Variants in SMYD3 observed in about 807,000 individuals in gnomAD.
SMYD3 encodes the protein histone-lysine N-methyltransferase SMYD3.
A neutral mutation model predicts 57.7 loss-of-function variants in SMYD3; 36 were observed. That is an observed-to-expected ratio of 0.62 (90% CI 0.48 to 0.82). The LOEUF (loss-of-function observed/expected upper bound fraction) is 0.82, where lower values mean the gene tolerates loss of function less well. Among genes scored for constraint, SMYD3 ranks in the 40% least tolerant of loss-of-function variants. SMYD3 has a pLI of 0.00. For synonymous variants in SMYD3, 211 were observed against 195.0 expected, an observed-to-expected ratio of 1.08 and a Z score of -0.68; for missense variants, 515 against 538.8, an observed-to-expected ratio of 0.96 and a Z score of 0.44.
intron 10 of SMYD3, among the ~76,000 whole-genome samples, chr1:245,814,826 GCACACACGCACA>G (rs2048698155): frequency 1.3e-5 from 2 of 149,618 alleles, no homozygotes; most frequent in Admixed American, 6.7e-5. Flanking sequence ...ACACACGCAC[GCACACACGCACA>G]CACATGCACG....
chr1:246,036,592 T>A (rs939414257), intron 5 of SMYD3, among the ~76,000 whole-genome samples: 20 of 151,738 alleles, frequency 1.3e-4, no homozygotes, highest in East Asian at 3.9e-4. Context: ...CTCGCTTTGT[T>A]GCCCAGGCTG....
At chr1:245,863,288 G>A (rs2051654300) in intron 9 of SMYD3, among the ~76,000 whole-genome samples, 1 of 152,100 alleles carries the variant, frequency 6.6e-6, no homozygotes, top group Admixed American at 6.6e-5. Flanking sequence ...CATCCTACAT[G>A]GTCTCTCCTT....
At chr1:246,476,895 C>A (rs2068036732) in intron 1 of SMYD3, among the ~76,000 whole-genome samples, 1 of 152,144 alleles carries the variant, frequency 6.6e-6, no homozygotes, top group African/African-American at 2.4e-5. Context: ...CTTGACTATT[C>A]AATTATCAAA....
At chr1:246,494,537 G>T (rs868428950) in intron 1 of SMYD3, among the ~76,000 whole-genome samples, 1 of 152,124 alleles carries the variant, frequency 6.6e-6, no homozygotes, top group South Asian at 2.1e-4. Flanking sequence ...AAGTCTTTTT[G>T]TAAGATGCTT....
chr1:246,393,079 C>A (rs1467931997), intron 1 of SMYD3, among the ~76,000 whole-genome samples: 1 of 152,134 alleles, frequency 6.6e-6, no homozygotes, highest in East Asian at 1.9e-4. Context: ...GGTAGTCCCA[C>A]AAATCGTTAA....
chr1:246,011,843 A>AGG (rs1480269015), intron 5 of SMYD3, among the ~76,000 whole-genome samples: 1 of 152,148 alleles, frequency 6.6e-6, no homozygotes, highest in African/African-American at 2.4e-5. Flanking sequence ...ACCAGCTCTT[A>AGG]GTACCCTCAA....
At chr1:245,988,231 C>G (rs953011333) in intron 5 of SMYD3, among the ~76,000 whole-genome samples, 1 of 152,160 alleles carries the variant, frequency 6.6e-6, no homozygotes, top group Admixed American at 6.5e-5. Flanking sequence ...GGAGCTGTAG[C>G]TGCCTGCTCA....
At chr1:246,444,749 A>C (rs888267333) in intron 1 of SMYD3, among the ~76,000 whole-genome samples, 19 of 152,176 alleles carry the variant, frequency 1.2e-4, no homozygotes, top group African/African-American at 4.6e-4. Flanking sequence ...AAAGACAACT[A>C]ATCTAAAAAA....
intron 5 of SMYD3, chr1:245,988,666 TC>T (rs2058751817): frequency 6.6e-6 from 1 of 152,292 alleles, no homozygotes. Context: ...ACTGGCCTAA[TC>T]CAATCAGCCC....
rs183091398 is a variant in SMYD3, at chr1:246,268,893, C to T, written c.531+58308G>A. Among the ~76,000 whole-genome samples the T allele has an allele frequency of 7.2e-5, 11 of 152,222 alleles. No individual in the cohort carries two copies. In the East Asian group the frequency reaches 2.1e-3, roughly 29 times the overall value. On this transcript the variant is annotated intron_variant, in intron 5 of 11. Coordinates refer to ENST00000490107, the MANE Select transcript of SMYD3 (RefSeq NM_001167740.2). ...TCTCGCGCCAGATCCAAGAGCCCTC[C>T]CTTGGGGTCCTGCAACACTATCACT...
intron 1 of SMYD3, among the ~76,000 whole-genome samples, chr1:246,437,074 T>C (rs925939380): frequency 6.6e-6 from 1 of 152,076 alleles, no homozygotes; most frequent in African/African-American, 2.4e-5. Flanking sequence ...TAATTTTTTG[T>C]ATTTATTAGA....
intron 10 of SMYD3, among the ~76,000 whole-genome samples, chr1:245,770,801 A>G (rs2046302888): frequency 6.6e-6 from 1 of 152,234 alleles, no homozygotes; most frequent in Non-Finnish European, 1.5e-5. Flanking sequence ...GAAATTATGT[A>G]AAAAATAACC....
chr1:246,347,221 T>G (rs545059005), intron 2 of SMYD3, among the ~76,000 whole-genome samples: 1 of 151,954 alleles, frequency 6.6e-6, no homozygotes, highest in Non-Finnish European at 1.5e-5. Flanking sequence ...TAATAGGATA[T>G]GTCAGAAGAA....
intron 5 of SMYD3, among the ~76,000 whole-genome samples, chr1:246,278,272 T>G (rs925869523): frequency 1.3e-5 from 2 of 152,068 alleles, no homozygotes; most frequent in Non-Finnish European, 2.9e-5. Flanking sequence ...AGACAAACTT[T>G]AAGTTGGCCC....
intron 1 of SMYD3, among the ~76,000 whole-genome samples, chr1:246,386,864 A>G (rs911215879): frequency 6.6e-6 from 1 of 150,910 alleles, no homozygotes; most frequent in Admixed American, 6.7e-5. Flanking sequence ...ATACAATCCT[A>G]TGTTATACAA....
intron 8 of SMYD3, among the ~76,000 whole-genome samples, chr1:245,872,937 C>T (rs1391246225): frequency 6.6e-6 from 1 of 152,206 alleles, no homozygotes; most frequent in Admixed American, 6.5e-5. Flanking sequence ...CAACACCTCC[C>T]CTCCCTCTGT....
intron 10 of SMYD3, among the ~76,000 whole-genome samples, chr1:245,815,202 C>G (rs1419078672): frequency 6.6e-6 from 1 of 152,170 alleles, no homozygotes; most frequent in Non-Finnish European, 1.5e-5. Context: ...TAAAAGAGGC[C>G]AAACATCCCA....
chr1:245,936,455 T>A (rs2056984681), intron 5 of SMYD3, among the ~76,000 whole-genome samples: 1 of 152,144 alleles, frequency 6.6e-6, no homozygotes, highest in South Asian at 2.1e-4. Flanking sequence ...ACCTTTCTTG[T>A]CTTATAATCG....
intron 8 of SMYD3, among the ~76,000 whole-genome samples, chr1:245,891,449 C>T (rs4654163): frequency 2.0e-5 from 3 of 152,024 alleles, no homozygotes; most frequent in Non-Finnish European, 4.4e-5. Flanking sequence ...ACTGCAGAGA[C>T]AGCCCAGGAT....
Sources: allele counts gnomAD v4.1 joint callset (sites outside exome capture counted in the v4.1 genomes callset), GRCh38; gene constraint gnomAD v4.1.1; transcripts MANE v1.5; gene names NCBI Gene and HGNC (gene_info 2026-07-23, HGNC 2026-07-21).